Variants in TNNT1 observed in about 807,000 individuals in gnomAD.
The protein encoded by TNNT1 is troponin T1, slow skeletal type, also known as troponin T, slow skeletal muscle.
Under a neutral mutation model 50.6 loss-of-function variants are expected in TNNT1, and 53 were observed. That is an observed-to-expected ratio of 1.05 (90% CI 0.84 to 1.32). The LOEUF (loss-of-function observed/expected upper bound fraction) is 1.32. Ranked by LOEUF, TNNT1 falls within the 40% of genes most tolerant of loss-of-function variation. TNNT1 has a pLI of 0.00. For synonymous variants in TNNT1, 142 were observed against 138.0 expected (o/e 1.03, Z -0.20); for missense variants, 348 against 381.7 (o/e 0.91, Z 0.74).
intron 6 of TNNT1, among the ~76,000 whole-genome samples, chr19:55,144,855 G>C (rs1423030050): frequency 6.6e-6 from 1 of 152,192 alleles, no homozygotes; most frequent in Non-Finnish European, 1.5e-5. Flanking sequence ...CTGAGCAGAG[G>C]AGGGGCAGGG....
intron 4 of TNNT1, 75 bp from the exon 5 acceptor site, chr19:55,146,541 A>T: frequency 2.7e-6 from 3 of 1,118,428 alleles, no homozygotes; most frequent in Non-Finnish European, 3.6e-6. Flanking sequence ...GCGGGAGGGG[A>T]GAGAGGGAAG....
chr19:55,140,142 T>G (rs2085424115), intron 9 of TNNT1, among the ~76,000 whole-genome samples: 1 of 135,012 alleles, frequency 7.4e-6, no homozygotes, highest in South Asian at 2.3e-4. Context: ...AAATTAAAAT[T>G]AAAAAAAAAG....
chr19:55,145,470 CA>C, intron 6 of TNNT1, 73 bp downstream of exon 6: 1 of 1,485,848 alleles, frequency 6.7e-7, no homozygotes. Context: ...GCCTTTCTCA[CA>C]CCTTGTCTCT....
chr19:55,135,767 C>T (rs536735512), intron 11 of TNNT1, among the ~76,000 whole-genome samples: 6 of 152,090 alleles, frequency 3.9e-5, no homozygotes, highest in Non-Finnish European at 7.4e-5. Flanking sequence ...GTGATCTGCC[C>T]GCCTCAGCCT....
Position 55,140,931 on chromosome 19 carries a change from T to C in TNNT1, c.339A>G (p.Gln113=). ...IERRRSERAE[Q]QRFRTEKERE... is the part of the protein sequence containing the mutation. Reference sequence around the variant, plus strand: ...GTTCCTTCTCAGTTCTGAAGCGCTGTTGCTCGGCTCTCTCTGACCGGCGCC... The same window carrying C: ...GTTCCTTCTCAGTTCTGAAGCGCTGCTGCTCGGCTCTCTCTGACCGGCGCC... The change falls in exon 9 of 14, where the codon CAA becomes CAG. Residue 113 remains glutamine (Q), a synonymous_variant. Transcript: ENST00000588981. The C allele has an allele frequency of 1.2e-6, 2 of 1,613,888 alleles. No individual in the cohort carries two copies. Among genetic ancestry groups the C allele is most frequent in the Non-Finnish European group, 1.7e-6 (2 of 1,180,008 alleles).
At position 55,147,171 on chromosome 19, in the gene TNNT1, A is replaced by G. The variant is rs200365006; in HGVS notation, c.-11-3T>C. ...GGTGTCCGACATCCTGGTGCGGCCT[A>G]AGGACCAGAGAGAAGAGGCCCAGTG... On this transcript the variant is annotated splice_region_variant and splice_polypyrimidine_tract_variant and intron_variant, in intron 1 of 13. Coordinates refer to ENST00000588981, the MANE Select transcript of TNNT1 (RefSeq NM_003283.6). The G allele has an allele frequency of 2.2e-5, 36 of 1,613,264 alleles. 1 individual carries two copies. Among genetic ancestry groups the G allele is most frequent in the African/African-American group, 4.0e-5 (3 of 75,032 alleles).
At chr19:55,133,705 A>G in intron 13 of TNNT1, 182 bp downstream of exon 13, 1 of 685,306 alleles carries the variant, frequency 1.5e-6, no homozygotes, top group Non-Finnish European at 2.5e-6. Flanking sequence ...AGAAAGAAAA[A>G]GAAAAAGGAA....
At chr19:55,134,995 G>C (rs1232305978) in intron 11 of TNNT1, among the ~76,000 whole-genome samples, 1 of 151,904 alleles carries the variant, frequency 6.6e-6, no homozygotes, top group Non-Finnish European at 1.5e-5. Flanking sequence ...TCCTTCTCTA[G>C]AAAATATGGA....
At chr19:55,147,704 AGGAGG>A (rs2085602491) in intron 1 of TNNT1, among the ~76,000 whole-genome samples, 1 of 27,864 alleles carries the variant, frequency 3.6e-5, no homozygotes, top group Non-Finnish European at 8.3e-5. Context: ...GATCTGAGGG[AGGAGG>A]GGCCAGGGGC....
chr19:55,142,685 T>C (rs1014869321), intron 6 of TNNT1, among the ~76,000 whole-genome samples: 10 of 151,258 alleles, frequency 6.6e-5, no homozygotes, highest in African/African-American at 2.4e-4. Flanking sequence ...GTAGTTGGGA[T>C]TACAGGCGCC....
rs1599884701 is a variant in TNNT1 at position 55,141,910 on chromosome 19, C to T, written c.139G>A (p.Val47Met). 1 of 1,614,050 alleles carries T rather than the reference C, an allele frequency of 6.2e-7. No homozygotes were observed. Among genetic ancestry groups the T allele is most frequent in the Non-Finnish European group, 8.5e-7 (1 of 1,179,974 alleles). ...ATCTTTGGCGGGATCAAAGGAGGCA[C>T]CACGGGGCGGCTGAGTGGACAGAAA... is the stretch of plus-strand genomic sequence containing the variant. ...EERPKPSRPVVPPLIPPKIPE... is the reference protein window; with the variant it reads ...EERPKPSRPVMPPLIPPKIPE... Residue 47 changes from valine to methionine, a missense_variant, in exon 7 of 14, where the codon GTG becomes ATG. Val to Met is a conservative substitution (Grantham distance 21, BLOSUM62 1). Coordinates refer to ENST00000588981, the MANE Select transcript of TNNT1 (RefSeq NM_003283.6).
chr19:55,137,020 C>A (rs1233421927), intron 11 of TNNT1, 83 bp downstream of exon 11: 1 of 875,150 alleles, frequency 1.1e-6, no homozygotes, highest in Non-Finnish European at 1.9e-6. Context: ...GGAGTATCTG[C>A]CCACCCAGAT....
Position 55,146,718 on chromosome 19 carries a change from G to A in TNNT1, c.47-11C>T, listed in dbSNP as rs1257108151. ...CCTCCGCAGCCTCCTCTGGAGATGG[G>A]GGCACAGAAGAGAAGGCGTTAGGAG... On this transcript the variant is annotated splice_polypyrimidine_tract_variant and intron_variant, in intron 3 of 13. Transcript: ENST00000588981. The A allele has an allele frequency of 1.3e-6, 2 of 1,504,202 alleles. No individual in the cohort carries two copies. The highest frequency in any genetic ancestry group is 1.8e-6 in the Non-Finnish European group (2 of 1,125,750). The allele number at this position is 1,504,202 out of a possible 1,614,324, so 93.2% of individuals were successfully genotyped here.
At chr19:55,146,834 T>A in intron 3 of TNNT1, 127 bp from the exon 4 acceptor site, 1 of 1,168,400 alleles carries the variant, frequency 8.6e-7, no homozygotes, top group Non-Finnish European at 1.2e-6. Context: ...ATGGGCACGT[T>A]CCCCCTGGCG....
chr19:55,138,590 T>C (rs781420881), intron 9 of TNNT1, among the ~76,000 whole-genome samples: 2 of 152,042 alleles, frequency 1.3e-5, no homozygotes, highest in African/African-American at 2.4e-5. Context: ...CTTCTCTGGG[T>C]CTTAATATCC....
chr19:55,137,909 C>T, intron 10 of TNNT1, 52 bp downstream of exon 10: 3 of 1,609,888 alleles, frequency 1.9e-6, no homozygotes, highest in Middle Eastern at 1.7e-4. Context: ...GTCTGGCCCC[C>T]AGCCCCTGCC....
intron 6 of TNNT1, among the ~76,000 whole-genome samples, chr19:55,142,815 T>C (rs1255924409): frequency 6.6e-6 from 1 of 150,550 alleles, no homozygotes; most frequent in Non-Finnish European, 1.5e-5. Context: ...CCCAAAGTGC[T>C]GGGATTACAG....
intron 6 of TNNT1, 97 bp downstream of exon 6, chr19:55,145,447 T>A (rs1407478268): frequency 2.5e-6 from 3 of 1,188,226 alleles, no homozygotes; most frequent in Non-Finnish European, 3.7e-6. Context: ...TTCAATTTCC[T>A]CCCTCCATCT....
At chr19:55,145,511 A>G in intron 6 of TNNT1, 33 bp downstream of exon 6, 1 of 1,611,940 alleles carries the variant, frequency 6.2e-7, no homozygotes, top group Admixed American at 1.7e-5. Context: ...AGGAAGATGT[A>G]TGACTGGGGC....
Sources: allele counts gnomAD v4.1 joint callset (sites outside exome capture counted in the v4.1 genomes callset), GRCh38; gene constraint gnomAD v4.1.1; transcripts MANE v1.5; gene names NCBI Gene and HGNC (gene_info 2026-07-23, HGNC 2026-07-21).